Variants in GNG4 observed in about 807,000 individuals in gnomAD.
The protein encoded by GNG4 is G protein subunit gamma 4, also known as guanine nucleotide-binding protein G(I)/G(S)/G(O) subunit gamma-4.
A neutral mutation model predicts 5.8 loss-of-function variants in GNG4; 4 were observed. The observed-to-expected ratio is 0.69, with a 90% CI of 0.34 to 1.57. The LOEUF (loss-of-function observed/expected upper bound fraction) is 1.57. Among genes scored for constraint, GNG4 ranks in the 40% most tolerant of loss-of-function variants. The pLI, the probability that GNG4 is intolerant of heterozygous loss-of-function variation, is 0.06. For missense variants in GNG4, 96 were observed against 95.1 expected (o/e 1.01, Z -0.04); for synonymous variants, 29 against 32.9 (o/e 0.88, Z 0.41).
intron 3 of GNG4, among the ~76,000 whole-genome samples, chr1:235,567,867 T>C (rs534943209): frequency 1.3e-5 from 2 of 152,302 alleles, no homozygotes; most frequent in African/African-American, 4.8e-5. Context: ...ATTTCTATAA[T>C]ATTGATTTGG....
At chr1:235,587,170 AGAGTGTGT>A (rs1027417725) in intron 2 of GNG4, among the ~76,000 whole-genome samples, 1 of 130,168 alleles carries the variant, frequency 7.7e-6, no homozygotes, top group Non-Finnish European at 1.6e-5. Flanking sequence ...TGAGCGTGTG[AGAGTGTGT>A]GGGGGTGAGT....
At chr1:235,574,190 G>A (rs1687421473) in intron 3 of GNG4, among the ~76,000 whole-genome samples, 2 of 152,128 alleles carry the variant, frequency 1.3e-5, no homozygotes, top group Admixed American at 6.5e-5. Flanking sequence ...GGACAACATG[G>A]TGAAACCCCG....
intron 2 of GNG4, among the ~76,000 whole-genome samples, chr1:235,592,809 G>A (rs1188838743): frequency 6.6e-6 from 1 of 152,146 alleles, no homozygotes; most frequent in African/African-American, 2.4e-5. Context: ...CTACTGGTCA[G>A]GATTTGAGCA....
chr1:235,645,129 G>C lies in GNG4; in HGVS notation c.-123+4533C>G, dbSNP rs1657468594. Among the ~76,000 whole-genome samples the C allele has an allele frequency of 2.0e-5, 3 of 152,184 alleles. No homozygotes were observed. The South Asian group carries it at 6.2e-4, about 32-fold the overall frequency. On this transcript the variant is annotated intron_variant, in intron 1 of 3. Transcript: ENST00000391854. Reference sequence around the variant, plus strand: ...TCTGGCCTCTGGCCTCCAAGAGCCTGACCCTCTGGGAAGACAGAGTCCCAG... The same window carrying C: ...TCTGGCCTCTGGCCTCCAAGAGCCTCACCCTCTGGGAAGACAGAGTCCCAG...
rs1299287196 is a variant in GNG4, at chr1:235,548,249, GAAGA to G, written c.*3856_*3859del. ...ATCCAACTCAAGCTCTTTCATGAAA[GAAGA>G]AAGAATGTACTGGATGGAGTTTGCT... On this transcript the variant is annotated 3_prime_UTR_variant, in exon 4 of 4. Coordinates refer to ENST00000391854, the MANE Select transcript of GNG4 (RefSeq NM_001098722.2). 2.6e-5 allele frequency: 4 copies of G among 152,184 alleles called. No homozygotes were observed. Among genetic ancestry groups the G allele is most frequent in the Middle Eastern group, 3.2e-3 (1 of 316 alleles). The allele number at this position is 152,184 out of a possible 1,614,324, so 9.4% of individuals were successfully genotyped here.
At chr1:235,584,539 T>A (rs150908881) in intron 2 of GNG4, among the ~76,000 whole-genome samples, 28 of 151,816 alleles carry the variant, frequency 1.8e-4, no homozygotes, top group Non-Finnish European at 2.8e-4. Context: ...AAACACACAC[T>A]CTCTCTCTCT....
rs114885539 is a variant in GNG4, at chr1:235,570,209, G to A, written c.99+13531C>T. ...ATTTCTATCAGCTTCTAATTGCTTC[G>A]GTCTGACACTCCATCTGTTTCTTTT... On this transcript the variant is annotated intron_variant, in intron 3 of 3. Transcript: ENST00000391854. Among the ~76,000 whole-genome samples the A allele has an allele frequency of 7.3e-3, 1,115 of 151,948 alleles. 14 individuals carry two copies. Among genetic ancestry groups the A allele is most frequent in the African/African-American group, 0.025 (1,053 of 41,420 alleles).
chr1:235,549,559 A>G lies in GNG4; in HGVS notation c.*2550T>C, dbSNP rs1572600830. On this transcript the variant is annotated 3_prime_UTR_variant, in exon 4 of 4. Transcript: ENST00000391854. ...TAATGATGTTGACGTGAAGCACAGA[A>G]TAAAGAGATCCTGGTCATAACTGCA... 6.6e-6 allele frequency: 1 copy of G among 152,238 alleles called. No homozygotes were observed. Among genetic ancestry groups the G allele is most frequent in the East Asian group, 1.9e-4 (1 of 5,198 alleles). The allele number at this position is 152,238 out of a possible 1,614,324, so 9.4% of individuals were successfully genotyped here.
At chr1:235,618,366 G>A (rs976900901) in intron 1 of GNG4, among the ~76,000 whole-genome samples, 6 of 152,184 alleles carry the variant, frequency 3.9e-5, no homozygotes, top group Non-Finnish European at 7.3e-5. Flanking sequence ...CCAGAAAATG[G>A]ACGGATATAC....
chr1:235,563,450 C>G (rs796540601), intron 3 of GNG4, among the ~76,000 whole-genome samples: 1 of 146,776 alleles, frequency 6.8e-6, no homozygotes, highest in East Asian at 2.0e-4. Context: ...ATCTTTATAG[C>G]CTTAATATGT....
At chr1:235,636,445 C>T (rs1378337808) in intron 1 of GNG4, among the ~76,000 whole-genome samples, 1 of 152,144 alleles carries the variant, frequency 6.6e-6, no homozygotes. Context: ...TAGAGGAGAG[C>T]AGCTGGCACT....
chr1:235,576,084 C>T (rs1335660188), intron 3 of GNG4, among the ~76,000 whole-genome samples: 5 of 122,296 alleles, frequency 4.1e-5, no homozygotes, highest in Non-Finnish European at 6.6e-5. Flanking sequence ...TTTTTTGAGA[C>T]AGAGTCTCAC....
At chr1:235,636,398 C>T (rs545555003) in intron 1 of GNG4, among the ~76,000 whole-genome samples, 18 of 152,316 alleles carry the variant, frequency 1.2e-4, no homozygotes, top group East Asian at 1.9e-4. Flanking sequence ...CCAGGTCCTG[C>T]GGTGAGGCCT....
At chr1:235,572,559 TG>T (rs1687373631) in intron 3 of GNG4, among the ~76,000 whole-genome samples, 2 of 144,094 alleles carry the variant, frequency 1.4e-5, no homozygotes, top group African/African-American at 5.2e-5. Context: ...TGGAGTGAGG[TG>T]GTATGTTCTC....
At chr1:235,641,981 T>A (rs1248756178) in intron 1 of GNG4, among the ~76,000 whole-genome samples, 1 of 152,250 alleles carries the variant, frequency 6.6e-6, no homozygotes, top group Admixed American at 6.5e-5. Context: ...GTCTGATTCC[T>A]CCACCGTAAC....
At chr1:235,607,449 T>C (rs1161469993) in intron 1 of GNG4, among the ~76,000 whole-genome samples, 1 of 152,174 alleles carries the variant, frequency 6.6e-6, no homozygotes, top group East Asian at 1.9e-4. Context: ...TCAATGAGGT[T>C]GCTGGCCATC....
chr1:235,582,980 G>A (rs998931955), intron 3 of GNG4, among the ~76,000 whole-genome samples: 12 of 152,160 alleles, frequency 7.9e-5, no homozygotes, highest in African/African-American at 2.2e-4. Context: ...GGAGTCGCCC[G>A]TTGCCATGGA....
At chr1:235,624,719 T>A (rs1688775557) in intron 1 of GNG4, among the ~76,000 whole-genome samples, 1 of 152,214 alleles carries the variant, frequency 6.6e-6, no homozygotes, top group Non-Finnish European at 1.5e-5. Context: ...TCTCATTTCA[T>A]TTGCTTCCTA....
At chr1:235,645,650 A>AC (rs1392229641) in intron 1 of GNG4, among the ~76,000 whole-genome samples, 4 of 151,944 alleles carry the variant, frequency 2.6e-5, no homozygotes, top group Non-Finnish European at 5.9e-5. Context: ...ATACAAAATT[A>AC]GCCGGGCGCG....
Sources: allele counts gnomAD v4.1 joint callset (sites outside exome capture counted in the v4.1 genomes callset), GRCh38; gene constraint gnomAD v4.1.1; transcripts MANE v1.5; gene names NCBI Gene and HGNC (gene_info 2026-07-23, HGNC 2026-07-21).